TRNT1: variants seen among roughly 807,000 people sequenced by gnomAD.
TRNT1 encodes tRNA nucleotidyl transferase 1.
Under a neutral mutation model 45.6 loss-of-function variants are expected in TRNT1, and 44 were observed. The ratio of observed to expected loss-of-function variants is 0.97; its 90% confidence interval spans 0.76 to 1.24. The LOEUF is 1.24. TRNT1 is among the 50% of genes most tolerant of loss of function. TRNT1 has a pLI of 0.00. For synonymous variants in TRNT1, 201 were observed against 171.4 expected, an observed-to-expected ratio of 1.17 and a Z score of -1.35; for missense variants, 633 against 504.4, an observed-to-expected ratio of 1.25 and a Z score of -2.44.
intron 2 of TRNT1, among the ~76,000 whole-genome samples, chr3:3,136,971 C>T (rs545200656): frequency 5.9e-5 from 9 of 152,264 alleles, no homozygotes; most frequent in African/African-American, 2.2e-4. Context: ...TTTAGTAATA[C>T]TTCAAATTTA....
At chr3:3,134,227 T>G (rs1705184811) in intron 2 of TRNT1, among the ~76,000 whole-genome samples, 1 of 152,192 alleles carries the variant, frequency 6.6e-6, no homozygotes, top group Non-Finnish European at 1.5e-5. Context: ...AGATTGAAGA[T>G]ATCAGTAACA....
intron 4 of TRNT1, 33 bp downstream of exon 4, chr3:3,140,681 C>CT (rs764729152): frequency 1.1e-5 from 17 of 1,603,082 alleles, no homozygotes; most frequent in Middle Eastern, 3.3e-4. Context: ...TATTGTGAGT[C>CT]TATCAGAATG....
At chr3:3,140,696 C>G in intron 4 of TRNT1, 48 bp downstream of exon 4, 2 of 1,578,744 alleles carry the variant, frequency 1.3e-6, no homozygotes, top group Middle Eastern at 1.7e-4. Context: ...AGAATGCCTT[C>G]TTTTCAAGTA....
At chr3:3,147,273 G>A (rs1370461805) in intron 6 of TRNT1, among the ~76,000 whole-genome samples, 177 bp from the exon 7 acceptor site, 1 of 152,140 alleles carries the variant, frequency 6.6e-6, no homozygotes, top group Admixed American at 6.5e-5. Flanking sequence ...GAAGGTGACA[G>A]GGGAGAGAAT....
At chr3:3,149,733 C>A (rs1706351979), downstream of TRNT1, 1 of 152,136 alleles carries the variant, frequency 6.6e-6, no homozygotes, top group African/African-American at 2.4e-5. Flanking sequence ...TTCATTTACT[C>A]TATTTACATA....
intron 2 of TRNT1, chr3:3,136,538 A>G (rs901061231): frequency 2.6e-6 from 1 of 387,698 alleles, no homozygotes; most frequent in African/African-American, 2.1e-5. Flanking sequence ...ATGCGTGAAC[A>G]TCCTGCCTCA....
intron 3 of TRNT1, 82 bp downstream of exon 3, chr3:3,137,535 A>G: frequency 1.6e-6 from 2 of 1,231,098 alleles, no homozygotes; most frequent in Non-Finnish European, 2.2e-6. Context: ...AAAAGCAAAT[A>G]ACGAAAAGTC....
At position 3,132,947 on chromosome 3, in the gene TRNT1, G is replaced by A. The variant is rs531464909; in HGVS notation, c.148+3759G>A. 2.0e-5 allele frequency among the ~76,000 whole-genome samples: 3 copies of A among 152,186 alleles called. No individual in the cohort carries two copies. The South Asian group carries it at 6.2e-4, about 32-fold the overall frequency. ...AGTGGCAAGAATGGAATCTTTTAGT[G>A]CAATGATCAACAAGTTAGAATGTCA... On this transcript the variant is annotated intron_variant, in intron 2 of 7. Coordinates refer to ENST00000251607, the MANE Select transcript of TRNT1 (RefSeq NM_182916.3).
rs775420899 is a variant in TRNT1, at chr3:3,147,674, T to C, written c.1027T>C (p.Leu343=). ...TAAAGCAACAGATAGTTCAGACCCA[T>C]TGAAACCCTATCAAGACTTCATTAT... ...LIKATDSSDP[L]KPYQDFIIDS... The change falls in exon 7 of 8, where the codon TTG becomes CTG. Residue 343 remains leucine, a synonymous_variant. Coordinates refer to ENST00000251607, the MANE Select transcript of TRNT1 (RefSeq NM_182916.3). The C allele has an allele frequency of 6.2e-6, 10 of 1,612,978 alleles. No homozygotes were observed. The South Asian group carries it at 9.9e-5, about 16-fold the overall frequency.
At chr3:3,129,999 A>G in intron 2 of TRNT1, 2 of 1,543,236 alleles carry the variant, frequency 1.3e-6, no homozygotes, top group South Asian at 1.2e-5. Context: ...ACCTGTCTGG[A>G]AGGAGCATAG....
intron 4 of TRNT1, among the ~76,000 whole-genome samples, chr3:3,143,572 C>T (rs771688): frequency 0.52 from 78,527 of 152,046 alleles, 22,235 homozygotes; most frequent in Middle Eastern, 0.7. Context: ...CTGAAAGACG[C>T]TATCTTGGAA....
chr3:3,147,984 C>T lies in TRNT1; in HGVS notation c.1135C>T (p.Gln379Ter). ...QGEHCLLKEM[Q>*]QWSIPPFPVS... ...AGAGCACTGTCTCCTAAAGGAAATG[C>T]AGCAGTGGTCCATTCCTCCATTTCC... is the stretch of plus-strand genomic sequence containing the variant. The change falls in exon 8 of 8, where the codon CAG becomes TAG. Residue 379 changes from glutamine (Q) to a stop codon, truncating the protein, a stop_gained. Coordinates refer to ENST00000251607, the MANE Select transcript of TRNT1 (RefSeq NM_182916.3). LOFTEE classifies it high-confidence loss of function. The T allele has an allele frequency of 6.2e-7, 1 of 1,614,006 alleles. No individual in the cohort carries two copies. Among genetic ancestry groups the T allele is most frequent in the African/African-American group, 1.3e-5 (1 of 75,048 alleles).
chr3:3,146,628 G>T lies in TRNT1; in HGVS notation c.802+5G>T. 1.3e-6 allele frequency: 2 copies of T among 1,581,080 alleles called. No homozygotes were observed. The highest frequency in any genetic ancestry group is 1.9e-5 in the Admixed American group (1 of 53,794). On this transcript the variant is annotated splice_donor_5th_base_variant and intron_variant, in intron 6 of 7. Coordinates refer to ENST00000251607, the MANE Select transcript of TRNT1 (RefSeq NM_182916.3). ...TTGATGTGGCTCCTTATATAGGTGA[G>T]AGCAAGTTATAAAGTGTTTGAATTT...
Position 3,133,782 on chromosome 3 carries a change from C to G in TRNT1, c.149-3478C>G, listed in dbSNP as rs575868772. On this transcript the variant is annotated intron_variant, in intron 2 of 7. Transcript: ENST00000251607. Reference sequence around the variant, plus strand: ...GACAACTGATCACTCTCTTGAAGTCCGGAGCTCTTAGAACAGATGGTCTGT... The same window carrying G: ...GACAACTGATCACTCTCTTGAAGTCGGGAGCTCTTAGAACAGATGGTCTGT... 5.3e-4 allele frequency among the ~76,000 whole-genome samples: 80 copies of G among 152,108 alleles called. 1 individual carries two copies. The highest frequency in any genetic ancestry group is 1.2e-4 in the Non-Finnish European group (8 of 68,002).
chr3:3,146,179 G>T (rs1003191872), intron 5 of TRNT1, among the ~76,000 whole-genome samples: 1 of 151,580 alleles, frequency 6.6e-6, no homozygotes, highest in South Asian at 2.1e-4. Flanking sequence ...TGGAGACCTT[G>T]AAGTTTTAGT....
chr3:3,147,191 ACACCACTGT>A (rs1043744445), intron 6 of TRNT1, among the ~76,000 whole-genome samples: 6 of 152,168 alleles, frequency 3.9e-5, no homozygotes, highest in African/African-American at 1.2e-4. Context: ...TGTGAGTCTG[ACACCACTGT>A]CACCACTACC....
intron 2 of TRNT1, among the ~76,000 whole-genome samples, chr3:3,132,446 A>G (rs1427469670): frequency 2.5e-5 from 1 of 39,608 alleles, no homozygotes; most frequent in Non-Finnish European, 5.4e-5. Context: ...AAAACCAAAC[A>G]CCGCATATTC....
At chr3:3,151,563 G>A (rs1205175755), downstream of TRNT1, among the ~76,000 whole-genome samples, 3 of 152,176 alleles carry the variant, frequency 2.0e-5, no homozygotes, top group Admixed American at 6.5e-5. Flanking sequence ...ATGGTATTTT[G>A]TTCTTAAGAT....
intron 2 of TRNT1, 140 bp downstream of exon 2, chr3:3,129,328 T>TTG: frequency 1.2e-6 from 1 of 822,964 alleles, no homozygotes; most frequent in Non-Finnish European, 1.9e-6. Context: ...GAGGGTCTCT[T>TTG]TGTGTTGCCC....
Sources: allele counts gnomAD v4.1 joint callset (sites outside exome capture counted in the v4.1 genomes callset), GRCh38; gene constraint gnomAD v4.1.1; transcripts MANE v1.5; gene names NCBI Gene and HGNC (gene_info 2026-07-23, HGNC 2026-07-21).